Variants in NFASC observed in about 807,000 individuals in gnomAD.
The protein encoded by NFASC is neurofascin.
In NFASC, 43 loss-of-function variants were observed where a neutral mutation model predicts 147.5. That is an observed-to-expected ratio of 0.29 (90% CI 0.23 to 0.38). NFASC has a LOEUF of 0.38. Ranked by LOEUF, NFASC falls within the 10% of genes least tolerant of loss-of-function variation. The probability of loss-of-function intolerance (pLI) is 1.00; values close to 1 mark genes in which losing one functional copy is unlikely to be tolerated. For missense variants in NFASC, 1,320 were observed against 1,689.0 expected (o/e 0.78, Z 3.83); for synonymous variants, 622 against 665.5 (o/e 0.93, Z 1.01).
At chr1:204,868,964 G>A (rs1416080147) in intron 1 of NFASC, among the ~76,000 whole-genome samples, 1 of 152,086 alleles carries the variant, frequency 6.6e-6, no homozygotes, top group Non-Finnish European at 1.5e-5. Context: ...GACCTGGGCT[G>A]CTCACTCTGT....
At chr1:204,926,682 G>T (rs2091662782) in intron 2 of NFASC, among the ~76,000 whole-genome samples, 1 of 150,994 alleles carries the variant, frequency 6.6e-6, no homozygotes, top group African/African-American at 2.4e-5. Context: ...CTAAAGTGCT[G>T]GGATTACAGG....
At chr1:204,866,740 C>T (rs772503036) in intron 1 of NFASC, among the ~76,000 whole-genome samples, 3 of 152,170 alleles carry the variant, frequency 2.0e-5, no homozygotes, top group Non-Finnish European at 2.9e-5. Flanking sequence ...ATATGAACTC[C>T]CTGACTATAA....
chr1:205,022,577 T>G lies in NFASC; in HGVS notation c.*6038T>G, dbSNP rs1192178701. 3 of 152,664 alleles carry G rather than the reference T, an allele frequency of 2.0e-5. No homozygotes were observed. The highest frequency in any genetic ancestry group is 2.0e-4 in the Admixed American group (3 of 15,284). The allele number at this position is 152,664 out of a possible 1,614,324, so 9.5% of individuals were successfully genotyped here. ...CCTCTCACATCATGTTCTTTCCTTT[T>G]TTGCGAGTTATTTTGCATTAACCAA... is the stretch of plus-strand genomic sequence containing the variant. On this transcript the variant is annotated 3_prime_UTR_variant, in exon 30 of 30. Transcript: ENST00000339876.
At chr1:204,880,519 C>G (rs1392664682) in intron 1 of NFASC, among the ~76,000 whole-genome samples, 2 of 152,016 alleles carry the variant, frequency 1.3e-5, no homozygotes, top group African/African-American at 2.4e-5. Flanking sequence ...CCACGCCTAG[C>G]TAATTTTTTG....
At chr1:204,863,282 G>A (rs905699934) in intron 1 of NFASC, among the ~76,000 whole-genome samples, 6 of 152,158 alleles carry the variant, frequency 3.9e-5, no homozygotes, top group African/African-American at 9.7e-5. Flanking sequence ...GGGAAATAGC[G>A]CTTCTGAAAA....
At chr1:205,000,969 A>T (rs2095969313) in intron 25 of NFASC, 1 of 605,900 alleles carries the variant, frequency 1.7e-6, no homozygotes, top group African/African-American at 1.8e-5. Context: ...CTGGCCACCA[A>T]GGCTGCAGCT....
chr1:204,949,774 G>A (rs2093990103), intron 3 of NFASC, among the ~76,000 whole-genome samples: 1 of 152,166 alleles, frequency 6.6e-6, no homozygotes. Context: ...AATTTGAGAA[G>A]CCCAGACCTC....
intron 1 of NFASC, among the ~76,000 whole-genome samples, chr1:204,839,368 AACACACACACACACACACACACACAC>A (rs55784616): frequency 4.4e-5 from 6 of 135,104 alleles, no homozygotes; most frequent in Admixed American, 2.2e-4. Flanking sequence ...GCACGTATGA[AACACACACACACACACACACACACAC>A]ACACACACAC....
At position 204,920,732 on chromosome 1, in the gene NFASC, G is replaced by A. The variant is rs1382589392; in HGVS notation, c.-99G>A. Reference sequence around the variant, plus strand: ...TGTTGCAAGGAAGAGGCTGAATGAGGCAGAGAAGGTAAGCAGGACTTGGGC... The same window carrying A: ...TGTTGCAAGGAAGAGGCTGAATGAGACAGAGAAGGTAAGCAGGACTTGGGC... On this transcript the variant is annotated 5_prime_UTR_variant, in exon 2 of 30. Transcript: ENST00000339876. 1.6e-6 allele frequency: 2 copies of A among 1,286,548 alleles called. No individual in the cohort carries two copies. Among genetic ancestry groups the A allele is most frequent in the Non-Finnish European group, 1.0e-6 (1 of 985,936 alleles). The allele number at this position is 1,286,548 out of a possible 1,614,324, so 79.7% of individuals were successfully genotyped here.
chr1:204,928,619 G>T (rs1394067681), intron 2 of NFASC, among the ~76,000 whole-genome samples: 1 of 152,132 alleles, frequency 6.6e-6, no homozygotes, highest in Non-Finnish European at 1.5e-5. Context: ...GTAATAGGGG[G>T]GAAAATAAAG....
At chr1:204,864,903 T>G (rs12034439) in intron 1 of NFASC, among the ~76,000 whole-genome samples, 23,910 of 152,188 alleles carry the variant, frequency 0.16, 2,676 homozygotes, top group East Asian at 0.47. Context: ...CTTTTCACTT[T>G]ATTGATAACA....
intron 1 of NFASC, among the ~76,000 whole-genome samples, chr1:204,837,529 A>G (rs1674114723): frequency 6.6e-6 from 1 of 152,210 alleles, no homozygotes; most frequent in Non-Finnish European, 1.5e-5. Flanking sequence ...TGTTCTGAAG[A>G]CAACAAGATT....
At chr1:204,958,612 A>G (rs2094527122) in intron 8 of NFASC, among the ~76,000 whole-genome samples, 1 of 152,174 alleles carries the variant, frequency 6.6e-6, no homozygotes. Flanking sequence ...GAAGTTGTCT[A>G]TGTTGATGTA....
intron 1 of NFASC, among the ~76,000 whole-genome samples, chr1:204,835,678 G>T (rs186122421): frequency 6.6e-6 from 1 of 152,136 alleles, no homozygotes; most frequent in Non-Finnish European, 1.5e-5. Context: ...CAGTAGTGAG[G>T]GGTGTGTCTG....
At position 204,859,330 on chromosome 1, in the gene NFASC, C is replaced by T. The variant is rs946589589; in HGVS notation, c.-200+30548C>T. On this transcript the variant is annotated intron_variant, in intron 1 of 29. Coordinates refer to ENST00000339876, the MANE Select transcript of NFASC (RefSeq NM_001005388.3). ...CAGGCAGCCGGGCAGGGTCTTCCCCCGCCTTAGCCCCTAGATGGGACCATC... is the reference window on the plus strand; with the variant it reads ...CAGGCAGCCGGGCAGGGTCTTCCCCTGCCTTAGCCCCTAGATGGGACCATC... 4.6e-5 allele frequency among the ~76,000 whole-genome samples: 7 copies of T among 152,336 alleles called. No individual in the cohort carries two copies. The South Asian group carries it at 6.2e-4, about 14-fold the overall frequency.
At chr1:204,929,714 GCTCCCTGGGGAATGGGAGCTGGGGAGTCC>G (rs1309498759) in intron 2 of NFASC, among the ~76,000 whole-genome samples, 1 of 152,022 alleles carries the variant, frequency 6.6e-6, no homozygotes, top group East Asian at 1.9e-4. Flanking sequence ...CTGGGGAGTC[GCTCCCTGGGGAATGGGAGCTGGGGAGTCC>G]CTCCCTGCCT....
At chr1:204,849,977 G>A (rs969761156) in intron 1 of NFASC, among the ~76,000 whole-genome samples, 3 of 152,306 alleles carry the variant, frequency 2.0e-5, no homozygotes, top group South Asian at 4.1e-4. Flanking sequence ...CAAACAGGAC[G>A]TAGGAACATC....
At chr1:204,990,728 C>T (rs933908155) in intron 23 of NFASC, among the ~76,000 whole-genome samples, 10 of 152,144 alleles carry the variant, frequency 6.6e-5, no homozygotes, top group African/African-American at 2.4e-4. Context: ...TCCAAGGTTG[C>T]GATGGTGTGG....
In NFASC at chr1:204,997,415, C is replaced by T. The variant is rs921005859; in HGVS notation, c.3019+9C>T. The T allele has an allele frequency of 3.9e-6, 6 of 1,551,756 alleles. No homozygotes were observed. In the African/African-American group the frequency reaches 4.1e-5, roughly 11 times the overall value. On this transcript the variant is annotated intron_variant, in intron 25 of 29. Transcript: ENST00000339876. ...TAAGATACACGAATCCGGTACTGCG[C>T]ATCGCCCATGCTCCCCATCCCCTCC...
Sources: gnomAD v4.1 joint callset for allele counts (sites outside exome capture counted in the v4.1 genomes callset) on GRCh38, gnomAD v4.1.1 for gene constraint, MANE v1.5 for transcripts, NCBI Gene and HGNC (gene_info 2026-07-23, HGNC 2026-07-21) for gene names.